ATP11B: variants seen among roughly 807,000 people sequenced by gnomAD.
ATP11B encodes the protein ATPase phospholipid transporting 11B (putative).
In ATP11B, 81 loss-of-function variants were observed where a neutral mutation model predicts 157.8. The observed-to-expected ratio is 0.51, with a 90% CI of 0.43 to 0.62. ATP11B has a LOEUF of 0.62. Among genes scored for constraint, ATP11B ranks in the 20% least tolerant of loss-of-function variants. The probability of loss-of-function intolerance (pLI) is 0.00; values close to 1 mark genes in which losing one functional copy is unlikely to be tolerated. For synonymous variants in ATP11B, 451 were observed against 469.4 expected, an observed-to-expected ratio of 0.96 and a Z score of 0.51; for missense variants, 1,165 against 1,402.2, an observed-to-expected ratio of 0.83 and a Z score of 2.70.
intron 29 of ATP11B, chr3:182,917,462 G>A (rs971625981): frequency 1.0e-6 from 1 of 985,226 alleles, no homozygotes; most frequent in Admixed American, 6.2e-5. Flanking sequence ...ACCAGTAGAG[G>A]ATCGTTTGTC....
intron 12 of ATP11B, among the ~76,000 whole-genome samples, chr3:182,863,042 G>A (rs563908182): frequency 5.3e-5 from 8 of 151,470 alleles, no homozygotes; most frequent in East Asian, 2.0e-4. Flanking sequence ...CAGCCTCTCC[G>A]AGTAGTTGGG....
chr3:182,856,596 TC>T (rs1179232834), intron 10 of ATP11B, among the ~76,000 whole-genome samples: 2 of 152,198 alleles, frequency 1.3e-5, no homozygotes, highest in Non-Finnish European at 2.9e-5. Flanking sequence ...CTTCTCTTGA[TC>T]CGGGTGTTCT....
chr3:182,825,779 A>G (rs1381868581), intron 2 of ATP11B, among the ~76,000 whole-genome samples: 2 of 151,828 alleles, frequency 1.3e-5, no homozygotes, highest in East Asian at 3.9e-4. Context: ...GCATGCAAGT[A>G]GTCCCAGCTA....
chr3:182,889,332 T>G (rs1204014475), intron 24 of ATP11B, 78 bp from the exon 25 acceptor site: 1 of 1,010,928 alleles, frequency 9.9e-7, no homozygotes, highest in Non-Finnish European at 1.4e-6. Context: ...GTTTTTTAAT[T>G]ATCATATTAT....
intron 28 of ATP11B, among the ~76,000 whole-genome samples, chr3:182,905,137 G>GA (rs1186959404): frequency 6.6e-6 from 1 of 151,946 alleles, no homozygotes; most frequent in East Asian, 1.9e-4. Context: ...CTTAATCCTG[G>GA]AAAAATACAT....
chr3:182,857,140 T>TTTTG (rs768675829), intron 10 of ATP11B, among the ~76,000 whole-genome samples: 2 of 152,242 alleles, frequency 1.3e-5, no homozygotes, highest in East Asian at 1.9e-4. Context: ...TTTACAGGGT[T>TTTTG]TTTGTTTGTT....
chr3:182,811,330 A>G (rs1716652076), intron 1 of ATP11B, among the ~76,000 whole-genome samples: 2 of 152,162 alleles, frequency 1.3e-5, no homozygotes. Flanking sequence ...GAAGGTTTGG[A>G]TTATTTCAAA....
At chr3:182,916,158 T>TA (rs1725129220) in intron 29 of ATP11B, 2 of 985,212 alleles carry the variant, frequency 2.0e-6, no homozygotes, top group African/African-American at 3.5e-5. Flanking sequence ...TTTTGATACA[T>TA]AGAGTTCTCT....
At chr3:182,852,610 A>G (rs938201103) in intron 10 of ATP11B, among the ~76,000 whole-genome samples, 2 of 152,212 alleles carry the variant, frequency 1.3e-5, no homozygotes, top group Admixed American at 1.3e-4. Flanking sequence ...CTCCACGCTA[A>G]AGATTTGCCT....
At chr3:182,847,643 T>C (rs1423018229) in intron 9 of ATP11B, among the ~76,000 whole-genome samples, 1 of 152,190 alleles carries the variant, frequency 6.6e-6, no homozygotes, top group Non-Finnish European at 1.5e-5. Context: ...GCTTTTCAAA[T>C]TGTACTATTT....
Position 182,869,063 on chromosome 3 carries a change from C to T in ATP11B, c.1689-15C>T. The T allele has an allele frequency of 6.4e-7, 1 of 1,563,108 alleles. No homozygotes were observed. Among genetic ancestry groups the T allele is most frequent in the Non-Finnish European group, 8.7e-7 (1 of 1,151,956 alleles). ...AAAAGTAAAGTTTTTGTCTTTCTTA[C>T]TTTCTTTTGTTTAGGTACAAACTGC... On this transcript the variant is annotated splice_polypyrimidine_tract_variant and intron_variant, in intron 15 of 29. Coordinates refer to ENST00000323116, the MANE Select transcript of ATP11B (RefSeq NM_014616.3).
At chr3:182,864,402 C>A (rs1202125270) in intron 12 of ATP11B, among the ~76,000 whole-genome samples, 1 of 152,084 alleles carries the variant, frequency 6.6e-6, no homozygotes, top group Non-Finnish European at 1.5e-5. Context: ...TATAGATACC[C>A]TTTATCAGGC....
At chr3:182,823,267 A>G (rs1717486680) in intron 2 of ATP11B, among the ~76,000 whole-genome samples, 1 of 152,212 alleles carries the variant, frequency 6.6e-6, no homozygotes, top group African/African-American at 2.4e-5. Context: ...TTAAGTCTTT[A>G]ATCCATCTTG....
In ATP11B at chr3:182,921,083, G is replaced by A; in HGVS notation, c.*2979G>A. Reference sequence around the variant, plus strand: ...CAGGAGTCAAGGCCACTAGAAAATTGACAGTTAAGAGCCAAAAGTTTTTAA... The same window carrying A: ...CAGGAGTCAAGGCCACTAGAAAATTAACAGTTAAGAGCCAAAAGTTTTTAA... On this transcript the variant is annotated 3_prime_UTR_variant, in exon 30 of 30. Transcript: ENST00000323116. The A allele has an allele frequency of 6.6e-6, 1 of 152,164 alleles. No individual in the cohort carries two copies. Among genetic ancestry groups the A allele is most frequent in the Non-Finnish European group, 1.5e-5 (1 of 68,032 alleles). 9.4% of individuals were successfully genotyped at this position (152,164 alleles called of 1,614,324 possible).
intron 14 of ATP11B, among the ~76,000 whole-genome samples, chr3:182,866,671 G>A (rs1721258136): frequency 6.6e-6 from 1 of 151,170 alleles, no homozygotes; most frequent in South Asian, 2.1e-4. Context: ...TTGAAAATCT[G>A]ATTACTATAA....
intron 1 of ATP11B, among the ~76,000 whole-genome samples, chr3:182,801,026 C>T (rs1253968870): frequency 6.6e-6 from 1 of 152,020 alleles, no homozygotes; most frequent in African/African-American, 2.4e-5. Context: ...AGTCTCGAAC[C>T]CTGGACCTCA....
chr3:182,858,201 C>T (rs987103438), intron 11 of ATP11B, among the ~76,000 whole-genome samples, 173 bp downstream of exon 11: 1 of 152,184 alleles, frequency 6.6e-6, no homozygotes, highest in Non-Finnish European at 1.5e-5. Context: ...TGTACTGATA[C>T]GCTTTTTGTA....
At chr3:182,839,236 A>C (rs116121311) in intron 7 of ATP11B, among the ~76,000 whole-genome samples, 2,831 of 152,320 alleles carry the variant, frequency 0.019, 45 homozygotes, top group Non-Finnish European at 0.029. Flanking sequence ...ACTGGTGAGA[A>C]CACATGGGCA....
chr3:182,800,019 A>G (rs1715889135), intron 1 of ATP11B, among the ~76,000 whole-genome samples: 1 of 152,072 alleles, frequency 6.6e-6, no homozygotes, highest in African/African-American at 2.4e-5. Flanking sequence ...CTGAGGCAGG[A>G]GTATTGCTTG....
Sources: gnomAD v4.1 joint callset for allele counts (sites outside exome capture counted in the v4.1 genomes callset) on GRCh38, gnomAD v4.1.1 for gene constraint, MANE v1.5 for transcripts, NCBI Gene and HGNC (gene_info 2026-07-23, HGNC 2026-07-21) for gene names.